The following SPAG17 variants were observed in gnomAD, a reference collection of about 807,000 sequenced individuals.
The protein encoded by SPAG17 is sperm-associated antigen 17.
SPAG17 carries 169 observed loss-of-function variants against 273.6 expected under a neutral mutation model. That is an observed-to-expected ratio of 0.62 (90% CI 0.55 to 0.70). SPAG17 has a LOEUF of 0.70. Ranked by LOEUF, SPAG17 falls within the 30% of genes least tolerant of loss-of-function variation. SPAG17 has a pLI of 0.00. For missense variants in SPAG17, 2,557 were observed against 2,627.8 expected (o/e 0.97, Z 0.59); for synonymous variants, 825 against 873.2 (o/e 0.94, Z 0.97).
At chr1:118,133,202 A>G (rs981533698) in intron 3 of SPAG17, among the ~76,000 whole-genome samples, 2 of 152,160 alleles carry the variant, frequency 1.3e-5, no homozygotes, top group African/African-American at 2.4e-5. Context: ...CAAGTGCTCA[A>G]AAATGAAGGA....
chr1:117,979,116 G>A (rs1008705924), intron 43 of SPAG17, among the ~76,000 whole-genome samples: 12 of 151,998 alleles, frequency 7.9e-5, no homozygotes, highest in African/African-American at 2.4e-4. Context: ...TGATCCACCC[G>A]CCTCAGCCTT....
chr1:118,016,037 G>C lies in SPAG17; in HGVS notation c.4215C>G (p.Thr1405=). The C allele has an allele frequency of 6.2e-7, 1 of 1,613,994 alleles. No homozygotes were observed. Among genetic ancestry groups the C allele is most frequent in the Non-Finnish European group, 8.5e-7 (1 of 1,179,946 alleles). Residue 1405 remains threonine (T), a synonymous_variant, in exon 29 of 49, where the codon ACC becomes ACG. Coordinates refer to ENST00000336338, the MANE Select transcript of SPAG17 (RefSeq NM_206996.4). ...TTTPEGNRIG[T]KGLERIADLT... ...AGTCTGCTATTCTTTCTAATCCTTT[G>C]GTGCCGATCCGATTTCCTTCAGGTG... is the stretch of plus-strand genomic sequence containing the variant.
intron 1 of SPAG17, among the ~76,000 whole-genome samples, chr1:118,171,824 A>T (rs1660434069): frequency 6.6e-6 from 1 of 152,168 alleles, no homozygotes; most frequent in Non-Finnish European, 1.5e-5. Flanking sequence ...AAATGTTATG[A>T]TCGTCACAAC....
chr1:118,169,504 A>G (rs1403899297), intron 1 of SPAG17, among the ~76,000 whole-genome samples: 1 of 152,212 alleles, frequency 6.6e-6, no homozygotes, highest in Non-Finnish European at 1.5e-5. Flanking sequence ...AATACACATT[A>G]ACATAAGAAA....
intron 19 of SPAG17, among the ~76,000 whole-genome samples, chr1:118,054,595 A>G (rs2101995290): frequency 6.6e-6 from 1 of 152,222 alleles, no homozygotes; most frequent in East Asian, 1.9e-4. Flanking sequence ...TGGTCTTTTC[A>G]GTAGAATTAT....
intron 4 of SPAG17, among the ~76,000 whole-genome samples, chr1:118,114,549 A>T (rs1387161348): frequency 6.6e-6 from 1 of 152,164 alleles, no homozygotes; most frequent in East Asian, 1.9e-4. Context: ...ATGCAAATCC[A>T]TTTCATACAT....
At position 118,074,574 on chromosome 1, in the gene SPAG17, C is replaced by G. The variant is rs750697025; in HGVS notation, c.2236G>C (p.Asp746His). The G allele has an allele frequency of 6.2e-7, 1 of 1,613,812 alleles. No homozygotes were observed. Among genetic ancestry groups the G allele is most frequent in the Non-Finnish European group, 8.5e-7 (1 of 1,179,844 alleles). ...GAATCAGCCTTTGTGACTGCATCATCTTTGATCTCATTGTTTGTGGTCTGC... is the reference window on the plus strand; with the variant it reads ...GAATCAGCCTTTGTGACTGCATCATGTTTGATCTCATTGTTTGTGGTCTGC... ...LEQTTNNEIK[D>H]DAVTKADSHE... The change falls in exon 16 of 49, where the codon GAT becomes CAT. Residue 746 changes from aspartate to histidine, a missense_variant. Coordinates refer to ENST00000336338, the MANE Select transcript of SPAG17 (RefSeq NM_206996.4).
chr1:118,058,050 A>C (rs934939030), intron 18 of SPAG17, among the ~76,000 whole-genome samples: 1 of 152,130 alleles, frequency 6.6e-6, no homozygotes, highest in Non-Finnish European at 1.5e-5. Flanking sequence ...ATTTATTTAT[A>C]AAATTAAATG....
At chr1:118,177,004 A>G (rs1660726080) in intron 1 of SPAG17, among the ~76,000 whole-genome samples, 1 of 152,300 alleles carries the variant, frequency 6.6e-6, no homozygotes, top group Admixed American at 6.5e-5. Context: ...AAACAAATGA[A>G]AATGGAAAAA....
chr1:118,067,929 TACCATCCTCAGC>T (rs1653142731), intron 17 of SPAG17, among the ~76,000 whole-genome samples: 1 of 152,142 alleles, frequency 6.6e-6, no homozygotes, highest in East Asian at 1.9e-4. Flanking sequence ...TTCTAAAACA[TACCATCCTCAGC>T]ATGCACTGCG....
At chr1:117,981,188 G>A (rs185175241) in intron 43 of SPAG17, 82 bp downstream of exon 43, 17 of 1,404,202 alleles carry the variant, frequency 1.2e-5, no homozygotes, top group Admixed American at 1.1e-4. Flanking sequence ...TCTCAACCTC[G>A]CCTCCTAGCG....
intron 7 of SPAG17, among the ~76,000 whole-genome samples, chr1:118,096,308 G>A (rs895974245): frequency 2.6e-5 from 4 of 151,434 alleles, no homozygotes; most frequent in Non-Finnish European, 5.9e-5. Context: ...CTCAGCTGTA[G>A]AAACAGTTCC....
At chr1:117,959,068 A>G (rs1652650723) in intron 48 of SPAG17, 17 of 1,506,882 alleles carry the variant, frequency 1.1e-5, no homozygotes, top group Non-Finnish European at 1.5e-5. Flanking sequence ...GAAATAGTAT[A>G]GTATGCTGTG....
chr1:118,173,578 C>T (rs1478923594), intron 1 of SPAG17, among the ~76,000 whole-genome samples: 2 of 152,082 alleles, frequency 1.3e-5, no homozygotes, highest in Non-Finnish European at 1.5e-5. Flanking sequence ...CAGAGGAATA[C>T]AACGACACAT....
chr1:118,008,509 T>G (rs1288186564), intron 30 of SPAG17, among the ~76,000 whole-genome samples: 1 of 152,192 alleles, frequency 6.6e-6, no homozygotes, highest in Non-Finnish European at 1.5e-5. Context: ...TAAAATATAA[T>G]TTAAGCACTC....
chr1:117,959,231 C>T (rs1367302314), intron 48 of SPAG17: 36 of 1,556,754 alleles, frequency 2.3e-5, no homozygotes, highest in Middle Eastern at 3.4e-4. Flanking sequence ...AACTCTCATA[C>T]GCTGCTATAA....
At chr1:118,002,972 T>A (rs1032896927) in intron 32 of SPAG17, among the ~76,000 whole-genome samples, 3 of 152,200 alleles carry the variant, frequency 2.0e-5, no homozygotes, top group Admixed American at 2.0e-4. Flanking sequence ...ACTGGTTGTT[T>A]CTTTCCATGT....
chr1:118,181,689 C>T (rs1293365830), intron 1 of SPAG17, among the ~76,000 whole-genome samples: 1 of 151,954 alleles, frequency 6.6e-6, no homozygotes, highest in East Asian at 1.9e-4. Context: ...TGAACAAAAA[C>T]AAACCTCACC....
At chr1:117,999,018 C>G (rs893084842) in intron 32 of SPAG17, among the ~76,000 whole-genome samples, 1 of 134,166 alleles carries the variant, frequency 7.5e-6, no homozygotes, top group African/African-American at 2.9e-5. Flanking sequence ...GTGTGATGTT[C>G]CCCGCCCTGT....
Sources: gnomAD v4.1 joint callset for allele counts (sites outside exome capture counted in the v4.1 genomes callset) on GRCh38, gnomAD v4.1.1 for gene constraint, MANE v1.5 for transcripts, NCBI Gene and HGNC (gene_info 2026-07-23, HGNC 2026-07-21) for gene names.